Variants in TPRG1 observed in about 807,000 individuals in gnomAD.
TPRG1 encodes the protein tumor protein p63 regulated 1.
In TPRG1, 29 loss-of-function variants were observed where a neutral mutation model predicts 29.3. The observed-to-expected ratio is 0.99, with a 90% CI of 0.74 to 1.35. TPRG1 has a LOEUF of 1.35. Among genes scored for constraint, TPRG1 ranks in the 40% most tolerant of loss-of-function variants. The probability of loss-of-function intolerance (pLI) is 0.00; values close to 1 mark genes in which losing one functional copy is unlikely to be tolerated. For synonymous variants in TPRG1, 130 were observed against 116.8 expected (o/e 1.11, Z -0.73); for missense variants, 327 against 335.0 (o/e 0.98, Z 0.19).
chr3:189,198,303 C>G (rs1432617393), intron 1 of TPRG1, among the ~76,000 whole-genome samples: 1 of 152,192 alleles, frequency 6.6e-6, no homozygotes, highest in Non-Finnish European at 1.5e-5. Context: ...TTCCCCTCTT[C>G]CCACTCACCA....
intron 2 of TPRG1, among the ~76,000 whole-genome samples, chr3:189,003,085 C>T (rs1712111398): frequency 1.3e-5 from 2 of 152,180 alleles, no homozygotes; most frequent in South Asian, 2.1e-4. Flanking sequence ...AAAGGCATAA[C>T]GACATTATTT....
chr3:189,169,116 A>G (rs1728499470), upstream of TPRG1, among the ~76,000 whole-genome samples: 5 of 152,332 alleles, frequency 3.3e-5, no homozygotes, highest in South Asian at 6.2e-4. Context: ...GTTATTTCTC[A>G]TAGACACTAG....
intron 5 of TPRG1, among the ~76,000 whole-genome samples, chr3:189,161,042 C>A (rs1253202290): frequency 6.6e-6 from 1 of 152,198 alleles, no homozygotes; most frequent in East Asian, 1.9e-4. Flanking sequence ...TGTATTCCTT[C>A]CTTGTGATAA....
At chr3:189,031,521 G>T (rs1183670767) in intron 4 of TPRG1, among the ~76,000 whole-genome samples, 1 of 152,172 alleles carries the variant, frequency 6.6e-6, no homozygotes, top group African/African-American at 2.4e-5. Context: ...TTTCTTCAGT[G>T]TCTTCCTCTT....
At chr3:189,281,727 G>A (rs1314436207) in intron 4 of TPRG1, among the ~76,000 whole-genome samples, 1 of 152,118 alleles carries the variant, frequency 6.6e-6, no homozygotes, top group Non-Finnish European at 1.5e-5. Context: ...CACTAGTTGA[G>A]TTAGTAAATT....
At chr3:189,217,845 A>C (rs1440518399) in intron 3 of TPRG1, 5 of 985,306 alleles carry the variant, frequency 5.1e-6, no homozygotes, top group African/African-American at 1.7e-5. Context: ...TTCATATTTA[A>C]GCCTTTTTGT....
At chr3:189,019,217 C>T (rs1266612126) in intron 3 of TPRG1, among the ~76,000 whole-genome samples, 1 of 151,488 alleles carries the variant, frequency 6.6e-6, no homozygotes, top group Non-Finnish European at 1.5e-5. Flanking sequence ...ATTGAATACC[C>T]TTTATTTCCT....
At chr3:189,048,123 G>A (rs1715089450) in intron 4 of TPRG1, among the ~76,000 whole-genome samples, 1 of 152,132 alleles carries the variant, frequency 6.6e-6, no homozygotes, top group Non-Finnish European at 1.5e-5. Context: ...CTTACAAAAT[G>A]TATTTCTTAA....
intron 4 of TPRG1, among the ~76,000 whole-genome samples, chr3:189,254,121 C>G (rs1178957180): frequency 6.6e-6 from 1 of 152,074 alleles, no homozygotes; most frequent in Admixed American, 6.6e-5. Flanking sequence ...ATGGTATTGC[C>G]TAGGTTTTCT....
chr3:189,146,595 A>AT (rs961956139), intron 3 of TPRG1, among the ~76,000 whole-genome samples: 4 of 152,174 alleles, frequency 2.6e-5, no homozygotes, highest in African/African-American at 7.2e-5. Context: ...TAGAGCACTG[A>AT]TCCCCCATAT....
chr3:189,136,981 G>T (rs935743146), intron 3 of TPRG1, among the ~76,000 whole-genome samples: 6 of 152,100 alleles, frequency 3.9e-5, no homozygotes, highest in African/African-American at 1.4e-4. Flanking sequence ...AAATGGACAT[G>T]ACCCCTGTCC....
chr3:189,070,486 A>T (rs1042581623), intron 4 of TPRG1, among the ~76,000 whole-genome samples: 1 of 152,230 alleles, frequency 6.6e-6, no homozygotes, highest in Admixed American at 6.5e-5. Context: ...GTTCGTATCA[A>T]TGTCAATATC....
chr3:189,003,303 AC>A (rs1246419035), intron 2 of TPRG1, among the ~76,000 whole-genome samples: 1 of 152,148 alleles, frequency 6.6e-6, no homozygotes, highest in Non-Finnish European at 1.5e-5. Flanking sequence ...CTTGGAGACT[AC>A]CTAGCCCTAA....
At chr3:189,262,231 T>TAAGTATAAGTATAA (rs1553933862) in intron 4 of TPRG1, among the ~76,000 whole-genome samples, 2 of 151,842 alleles carry the variant, frequency 1.3e-5, no homozygotes, top group African/African-American at 4.8e-5. Flanking sequence ...AGTATAAGTA[T>TAAGTATAAGTATAA]AAGTATAAGT....
chr3:189,006,843 G>T (rs1378807511), intron 3 of TPRG1, among the ~76,000 whole-genome samples: 76 of 152,046 alleles, frequency 5.0e-4, no homozygotes, highest in Admixed American at 4.9e-3. Flanking sequence ...GCACATTTTT[G>T]AATGTATTTT....
rs191476741 is a variant in TPRG1 at position 189,053,322 on chromosome 3, T to C, written c.-463+29376T>C. On this transcript the variant is annotated intron_variant, in intron 4 of 10. Coordinates refer to the TPRG1 transcript ENST00000433971. ...AGATAAAAGCAGCCCAATTTTCTCA[T>C]AGAACTGATGTTTATGGTTTCTTTT... Among the ~76,000 whole-genome samples the C allele has an allele frequency of 2.8e-3, 428 of 152,308 alleles. 2 individuals are homozygous for C. Among genetic ancestry groups the C allele is most frequent in the Non-Finnish European group, 4.6e-3 (316 of 68,016 alleles).
upstream of TPRG1, among the ~76,000 whole-genome samples, chr3:189,097,292 T>C (rs1443482581): frequency 6.6e-6 from 1 of 152,220 alleles, no homozygotes; most frequent in African/African-American, 2.4e-5. Context: ...AATTTTATGA[T>C]TGGCAAAAGG....
In TPRG1 at chr3:189,320,824, T is replaced by C; in HGVS notation, c.*4T>C. 1.3e-6 allele frequency: 2 copies of C among 1,565,948 alleles called. No homozygotes were observed. Among genetic ancestry groups the C allele is most frequent in the Middle Eastern group, 3.4e-4 (2 of 5,920 alleles). On this transcript the variant is annotated 3_prime_UTR_variant, in exon 6 of 6. Coordinates refer to ENST00000345063, the MANE Select transcript of TPRG1 (RefSeq NM_198485.4). ...CCGTGGGAGTATTGGTTTTTGAGAG[T>C]CTTTTTGGTACCATAAGCATATCAT... is the stretch of plus-strand genomic sequence containing the variant.
At chr3:189,278,495 A>T (rs1716544478) in intron 4 of TPRG1, among the ~76,000 whole-genome samples, 1 of 152,160 alleles carries the variant, frequency 6.6e-6, no homozygotes, top group Admixed American at 6.5e-5. Flanking sequence ...GGGCTAAATG[A>T]TGCTATGAAC....
Sources: allele counts gnomAD v4.1 joint callset (sites outside exome capture counted in the v4.1 genomes callset), GRCh38; gene constraint gnomAD v4.1.1; transcripts MANE v1.5; gene names NCBI Gene and HGNC (gene_info 2026-07-23, HGNC 2026-07-21).